Variants in MIB1 observed in about 807,000 individuals in gnomAD.
The protein encoded by MIB1 is MIB E3 ubiquitin protein ligase 1, also known as E3 ubiquitin-protein ligase MIB1.
A neutral mutation model predicts 124.5 loss-of-function variants in MIB1; 278 were observed. The observed-to-expected ratio is 2.23, with a 90% confidence interval of 2.02 to 2.47. The LOEUF (loss-of-function observed/expected upper bound fraction) is 2.47. Ranked by LOEUF, MIB1 falls within the 30% of genes most tolerant of loss-of-function variation. MIB1 has a pLI of 0.00. For missense variants in MIB1, 957 were observed against 1,254.4 expected (o/e 0.76, Z 3.58); for synonymous variants, 446 against 429.4 (o/e 1.04, Z -0.48).
chr18:21,764,272 C>T (rs916174881), intron 1 of MIB1, among the ~76,000 whole-genome samples: 1 of 152,112 alleles, frequency 6.6e-6, no homozygotes, highest in Non-Finnish European at 1.5e-5. Flanking sequence ...TGCCTTCCCT[C>T]CCTCTTCCTT....
chr18:21,840,656 TATATATATA>T (rs1217701129), intron 13 of MIB1, among the ~76,000 whole-genome samples: 130 of 2,012 alleles, frequency 0.065, 2 homozygotes, highest in African/African-American at 0.095. Flanking sequence ...TATATATATA[TATATATATA>T]TTTTTTTTTT....
chr18:21,801,149 C>A (rs2041646845), intron 9 of MIB1, among the ~76,000 whole-genome samples: 1 of 152,074 alleles, frequency 6.6e-6, no homozygotes, highest in Admixed American at 6.6e-5. Flanking sequence ...TGATAGCCTT[C>A]ATATTTACCT....
upstream of MIB1, among the ~76,000 whole-genome samples, chr18:21,736,224 C>A (rs986247014): frequency 2.6e-5 from 4 of 152,210 alleles, no homozygotes; most frequent in African/African-American, 9.7e-5. Flanking sequence ...GCTGGTGATA[C>A]CCAGGCAAAC....
chr18:21,737,519 C>T (rs1386706537), upstream of MIB1, among the ~76,000 whole-genome samples: 1 of 152,114 alleles, frequency 6.6e-6, no homozygotes, highest in Non-Finnish European at 1.5e-5. Context: ...ATCAAATTCA[C>T]ACATACCAAT....
chr18:21,820,859 A>G (rs1470990693), intron 12 of MIB1, among the ~76,000 whole-genome samples: 2 of 152,236 alleles, frequency 1.3e-5, no homozygotes, highest in Admixed American at 1.3e-4. Context: ...AGCAGCTGTA[A>G]CTTGAGCAAG....
intron 7 of MIB1, among the ~76,000 whole-genome samples, chr18:21,797,728 T>A (rs1568206160): frequency 6.6e-6 from 1 of 152,054 alleles, no homozygotes; most frequent in Non-Finnish European, 1.5e-5. Context: ...ATTTTCTTTT[T>A]CAGGCTATAT....
Position 21,799,887 on chromosome 18 carries a change from T to C in MIB1, c.1284T>C (p.Ser428=). 3.1e-6 allele frequency: 5 copies of C among 1,612,406 alleles called. No homozygotes were observed. The highest frequency in any genetic ancestry group is 4.2e-6 in the Non-Finnish European group (5 of 1,178,832). Reference sequence around the variant, plus strand: ...AGAAATTATTTGAAACCCAAGAATCTGGTGACCTCAATGAAGAATTAGTTA... The same window carrying C: ...AGAAATTATTTGAAACCCAAGAATCCGGTGACCTCAATGAAGAATTAGTTA... The part of the protein sequence containing the change: ...LLKKLFETQE[S]GDLNEELVKA... The change falls in exon 9 of 21, where the codon TCT becomes TCC. Residue 428 remains serine (S), a synonymous_variant. Transcript: ENST00000261537.
chr18:21,734,939 A>G (rs1197720850), intron 1 of MIB1, among the ~76,000 whole-genome samples: 1 of 152,242 alleles, frequency 6.6e-6, no homozygotes, highest in African/African-American at 2.4e-5. Context: ...CAAAAAATGG[A>G]ACTCCATGCA....
upstream of MIB1, among the ~76,000 whole-genome samples, chr18:21,739,900 G>A (rs538672694): frequency 1.3e-5 from 2 of 150,024 alleles, no homozygotes; most frequent in Non-Finnish European, 3.0e-5. Context: ...GGCTGACAGT[G>A]AGACCCTGTC....
chr18:21,814,303 A>C (rs1292430344), intron 10 of MIB1, among the ~76,000 whole-genome samples: 1 of 150,158 alleles, frequency 6.7e-6, no homozygotes, highest in Admixed American at 6.6e-5. Context: ...ATGTATGCTC[A>C]TCACTTAACC....
intron 15 of MIB1, 111 bp downstream of exon 15, chr18:21,844,364 T>C (rs1249666940): frequency 8.7e-7 from 1 of 1,147,134 alleles, no homozygotes; most frequent in African/African-American, 1.6e-5. Flanking sequence ...ATCAGAGCTA[T>C]GTACTTAGAA....
At chr18:21,849,052 GTTTCA>G in intron 16 of MIB1, 139 bp from the exon 17 acceptor site, 2 of 506,386 alleles carry the variant, frequency 3.9e-6, no homozygotes, top group East Asian at 6.2e-5. Context: ...AAAATTTAAT[GTTTCA>G]CATACAGATG....
rs1188043850 is a variant in MIB1 at position 21,844,189 on chromosome 18, G to A, written c.2147G>A (p.Arg716His). ...AGGCATCACACTTTGTCTCAGCTAC[G>A]TCAGCTCCAAGATATGCAAGATGTG... ...ALRHHTLSQL[R>H]QLQDMQDVGK... Residue 716 changes from arginine (R) to histidine (H), a missense_variant, in exon 15 of 21, where the codon CGT (arginine) becomes CAT (histidine). Coordinates refer to ENST00000261537, the MANE Select transcript of MIB1 (RefSeq NM_020774.4). 6.2e-6 allele frequency: 10 copies of A among 1,613,988 alleles called. No individual in the cohort carries two copies. Among genetic ancestry groups the A allele is most frequent in the Non-Finnish European group, 7.6e-6 (9 of 1,180,016 alleles).
At chr18:21,821,996 A>C (rs1320120196) in intron 12 of MIB1, among the ~76,000 whole-genome samples, 7 of 152,142 alleles carry the variant, frequency 4.6e-5, no homozygotes, top group Non-Finnish European at 7.3e-5. Flanking sequence ...GTGGGCATTC[A>C]TATTCATCTG....
intron 12 of MIB1, among the ~76,000 whole-genome samples, chr18:21,836,337 G>A (rs1338073841): frequency 6.7e-6 from 1 of 148,314 alleles, no homozygotes; most frequent in Non-Finnish European, 1.5e-5. Flanking sequence ...GCAGTGGCTC[G>A]ATCTCCACTC....
Position 21,707,396 on chromosome 18 carries a change from G to A in MIB1, n.167+2273G>A, listed in dbSNP as rs1405369352. ...CAATCAGCAGGATGTGGGTGGGGCC[G>A]ATAAGGGAATAAAAGCAGGCTGCCC... is the stretch of plus-strand genomic sequence containing the variant. On this transcript the variant is annotated intron_variant and non_coding_transcript_variant, in intron 1 of 20. Transcript: ENST00000578646. Among the ~76,000 whole-genome samples, 14 of 152,280 alleles carry A rather than the reference G, an allele frequency of 9.2e-5. No individual in the cohort carries two copies. The East Asian group carries it at 2.7e-3, about 29-fold the overall frequency.
intron 1 of MIB1, among the ~76,000 whole-genome samples, chr18:21,759,010 G>A (rs1013102572): frequency 1.3e-5 from 2 of 151,858 alleles, no homozygotes; most frequent in African/African-American, 4.8e-5. Flanking sequence ...CAATAACTGG[G>A]AATCCATCTA....
At chr18:21,715,501 T>C (rs1480464581) in intron 1 of MIB1, among the ~76,000 whole-genome samples, 1 of 151,688 alleles carries the variant, frequency 6.6e-6, no homozygotes, top group Non-Finnish European at 1.5e-5. Context: ...CAGCAATGGC[T>C]CCAAACCAAG....
At chr18:21,782,242 C>A (rs996651811) in intron 6 of MIB1, among the ~76,000 whole-genome samples, 3 of 152,118 alleles carry the variant, frequency 2.0e-5, no homozygotes, top group Admixed American at 1.3e-4. Flanking sequence ...CCTGCCTCAG[C>A]CTTCCCGAGT....
Sources: gnomAD v4.1 joint callset for allele counts (sites outside exome capture counted in the v4.1 genomes callset) on GRCh38, gnomAD v4.1.1 for gene constraint, MANE v1.5 for transcripts, NCBI Gene and HGNC (gene_info 2026-07-23, HGNC 2026-07-21) for gene names.